RILPL1: variants seen among roughly 807,000 people sequenced by gnomAD.
RILPL1 encodes RILP-like protein 1.
A neutral mutation model predicts 50.3 loss-of-function variants in RILPL1; 33 were observed. The observed-to-expected ratio is 0.66, with a 90% CI of 0.50 to 0.88. The LOEUF is 0.88. RILPL1 is among the 40% of genes least tolerant of loss of function. RILPL1 has a pLI of 0.00. For missense variants in RILPL1, 418 were observed against 542.5 expected (o/e 0.77, Z 2.28); for synonymous variants, 205 against 228.6 (o/e 0.90, Z 0.93).
intron 2 of RILPL1, among the ~76,000 whole-genome samples, chr12:123,521,684 T>C (rs1454382627): frequency 5.3e-5 from 1 of 18,802 alleles, no homozygotes; most frequent in African/African-American, 9.9e-5. Context: ...TATATATATA[T>C]ACACACATAT....
intron 6 of RILPL1, chr12:123,473,754 A>T (rs1445519335): frequency 1.3e-5 from 2 of 152,026 alleles, no homozygotes; most frequent in South Asian, 2.1e-4. Flanking sequence ...GAGAGCCATC[A>T]GGAACTTTCA....
intron 4 of RILPL1, among the ~76,000 whole-genome samples, chr12:123,492,642 T>C (rs1882772438): frequency 6.6e-6 from 1 of 152,164 alleles, no homozygotes; most frequent in African/African-American, 2.4e-5. Flanking sequence ...AATGATGAGA[T>C]GTGGGGAAAG....
Position 123,489,869 on chromosome 12 carries a change from T to C in RILPL1, c.802-4064A>G, listed in dbSNP as rs1308226985. On this transcript the variant is annotated intron_variant, in intron 4 of 6. Transcript: ENST00000376874. The surrounding 1 kb of genome is among the most constrained non-coding windows in gnomAD (Gnocchi z 4.0). ...CCCAGTGCTGCTGGCCCACATTTTG[T>C]TTGGCCTTCACTGTGTTCTAAAACT... Among the ~76,000 whole-genome samples, 1 of 152,114 alleles carries C rather than the reference T, an allele frequency of 6.6e-6. No individual in the cohort carries two copies. Among genetic ancestry groups the C allele is most frequent in the Admixed American group, 6.5e-5 (1 of 15,268 alleles).
At chr12:123,516,686 A>G (rs1884714914) in intron 2 of RILPL1, among the ~76,000 whole-genome samples, 1 of 152,184 alleles carries the variant, frequency 6.6e-6, no homozygotes, top group African/African-American at 2.4e-5. Context: ...GGGTATTTGC[A>G]GATGTAATTA....
Position 123,532,762 on chromosome 12 carries a change from C to T in RILPL1, c.309+412G>A, listed in dbSNP as rs1033902557. On this transcript the variant is annotated intron_variant, in intron 1 of 6. Transcript: ENST00000376874. ...CTGATGTCACATCTTCTTGGTAACT[C>T]GGGAGGCCAAGAGGCTTATTTCATG... Among the ~76,000 whole-genome samples the T allele has an allele frequency of 2.2e-5, 3 of 138,072 alleles. No homozygotes were observed. In the South Asian group the frequency reaches 6.8e-4, roughly 31 times the overall value. The allele number at this position is 138,072 out of a possible 152,430, so 90.6% of individuals were successfully genotyped here.
In RILPL1 at chr12:123,504,468, G is replaced by A. The variant is rs114754561; in HGVS notation, c.461-4932C>T. On this transcript the variant is annotated intron_variant, in intron 2 of 6. Coordinates refer to ENST00000376874, the MANE Select transcript of RILPL1 (RefSeq NM_178314.5). ...AGTGCCACAAAGCCAGGTAAGGCCT[G>A]GGTCCTGAGCTTGAGCTTGGGATTT... 8.6e-3 allele frequency among the ~76,000 whole-genome samples: 1,311 copies of A among 152,268 alleles called. 19 individuals carry two copies. The highest frequency in any genetic ancestry group is 0.03 in the African/African-American group (1,258 of 41,552).
chr12:123,527,367 G>A lies in RILPL1; in HGVS notation c.310-3722C>T, dbSNP rs1248928049. On this transcript the variant is annotated intron_variant, in intron 1 of 6. Coordinates refer to ENST00000376874, the MANE Select transcript of RILPL1 (RefSeq NM_178314.5). ...AAAAAAGGCTCTTGAGGCTGGGCAT[G>A]ATGGCTTACGCCTATAATCACAGCA... Among the ~76,000 whole-genome samples the A allele has an allele frequency of 2.0e-5, 3 of 150,958 alleles. No homozygotes were observed. The East Asian group carries it at 5.8e-4, about 29-fold the overall frequency.
intron 6 of RILPL1, among the ~76,000 whole-genome samples, chr12:123,483,717 G>C (rs1284574492): frequency 6.6e-6 from 1 of 152,182 alleles, no homozygotes; most frequent in Non-Finnish European, 1.5e-5. Flanking sequence ...GCGTTATGCA[G>C]TAACCCCTGC....
Position 123,523,597 on chromosome 12 carries a change from G to A in RILPL1, c.358C>T (p.Leu120Phe). Residue 120 changes from leucine to phenylalanine, a missense_variant, in exon 2 of 7, where the codon CTC becomes TTC. Physicochemically the swap from Leu to Phe is conservative, Grantham distance 22. Transcript: ENST00000376874. ...TCCTGCAGCTGGGCGATCTGGGAGA[G>A]GAGGTCCTGCGCCTCCCCTCGCCAC... ...DVWRGEAQDL[L>F]SQIAQLQEEN... The A allele has an allele frequency of 6.2e-7, 1 of 1,613,994 alleles. No homozygotes were observed. Among genetic ancestry groups the A allele is most frequent in the Non-Finnish European group, 8.5e-7 (1 of 1,179,890 alleles).
chr12:123,506,290 C>T (rs1376305632), intron 2 of RILPL1, among the ~76,000 whole-genome samples: 6 of 152,152 alleles, frequency 3.9e-5, no homozygotes, highest in African/African-American at 1.2e-4. Flanking sequence ...CGGGCTGAGG[C>T]GCAGAGGCCA....
chr12:123,499,907 T>C (rs1883263205), intron 2 of RILPL1, among the ~76,000 whole-genome samples: 1 of 150,764 alleles, frequency 6.6e-6, no homozygotes, highest in Admixed American at 6.6e-5. Context: ...CATTCGCTTC[T>C]CTCCATCCCT....
chr12:123,500,330 C>A (rs1883300618), intron 2 of RILPL1, among the ~76,000 whole-genome samples: 1 of 136,318 alleles, frequency 7.3e-6, no homozygotes, highest in Non-Finnish European at 1.5e-5. Context: ...GTTGCCCAGG[C>A]TGGAGTGTAG....
intron 2 of RILPL1, among the ~76,000 whole-genome samples, chr12:123,521,634 CAT>C (rs1486946635): frequency 2.1e-3 from 34 of 16,238 alleles, no homozygotes; most frequent in South Asian, 0.013. Flanking sequence ...TATATACACA[CAT>C]ATGTGTATAT....
At chr12:123,513,564 G>A (rs61509618) in intron 2 of RILPL1, 12,129 of 206,282 alleles carry the variant, frequency 0.059, 1,394 homozygotes, top group African/African-American at 0.25. Flanking sequence ...TTCCCTTCAG[G>A]CCTCGGTGCT....
At chr12:123,508,377 G>C (rs1235393527) in intron 2 of RILPL1, among the ~76,000 whole-genome samples, 1 of 152,052 alleles carries the variant, frequency 6.6e-6, no homozygotes, top group Non-Finnish European at 1.5e-5. Flanking sequence ...CTGGGCAACA[G>C]AGAGAGACCC....
chr12:123,472,841 A>G, intron 6 of RILPL1, 159 bp from the exon 7 acceptor site: 1 of 713,270 alleles, frequency 1.4e-6, no homozygotes, highest in Non-Finnish European at 2.3e-6. Flanking sequence ...AAGTTATTCC[A>G]AGAAAGCAGC....
chr12:123,520,730 T>C (rs1438595474), intron 2 of RILPL1, among the ~76,000 whole-genome samples: 1 of 152,182 alleles, frequency 6.6e-6, no homozygotes, highest in African/African-American at 2.4e-5. Context: ...TGTGCCTCCC[T>C]GCCCTGCCTC....
intron 3 of RILPL1, 140 bp downstream of exon 3, chr12:123,499,278 G>A: frequency 1.6e-6 from 1 of 631,910 alleles, no homozygotes; most frequent in Non-Finnish European, 2.8e-6. Flanking sequence ...GGCCCGCCAA[G>A]CCATGAGCAG....
At position 123,491,160 on chromosome 12, in the gene RILPL1, T is replaced by C. The variant is rs1169933177; in HGVS notation, c.802-5355A>G. On this transcript the variant is annotated intron_variant, in intron 4 of 6. Coordinates refer to ENST00000376874, the MANE Select transcript of RILPL1 (RefSeq NM_178314.5). The surrounding 1 kb of genome is among the most constrained non-coding windows in gnomAD (Gnocchi z 4.0). The stretch of plus-strand genomic sequence containing the variant: ...CAGGGCCACGGGCAGCCCAGGACTA[T>C]CCGGTTCAGACTGGGAGGGACCAAG... 6.6e-6 allele frequency among the ~76,000 whole-genome samples: 1 copy of C among 152,190 alleles called. No individual in the cohort carries two copies. The highest frequency in any genetic ancestry group is 1.5e-5 in the Non-Finnish European group (1 of 68,028).
Sources: gnomAD v4.1 joint callset for allele counts (sites outside exome capture counted in the v4.1 genomes callset) on GRCh38, gnomAD v4.1.1 for gene constraint, Gnocchi (gnomAD v3.1) non-coding constraint, MANE v1.5 for transcripts, NCBI Gene and HGNC (gene_info 2026-07-23, HGNC 2026-07-21) for gene names.